APC: variants seen among roughly 807,000 people sequenced by gnomAD.
APC encodes APC regulator of Wnt signaling pathway.
A neutral mutation model predicts 247.0 loss-of-function variants in APC; 72 were observed. That is an observed-to-expected ratio of 0.29 (90% CI 0.24 to 0.35). The LOEUF is 0.35. Ranked by LOEUF, APC falls within the 10% of genes least tolerant of loss-of-function variation. The probability of loss-of-function intolerance (pLI) is 1.00; values close to 1 mark genes in which losing one functional copy is unlikely to be tolerated. For missense variants in APC, 3,400 were observed against 3,360.7 expected (o/e 1.01, Z -0.29); for synonymous variants, 1,254 against 1,162.5 (o/e 1.08, Z -1.60).
rs2149945815 is a variant in APC, at chr5:112,841,253, A to G, written c.5659A>G (p.Asn1887Asp). 6.2e-7 allele frequency: 1 copy of G among 1,613,846 alleles called. No individual in the cohort carries two copies. The highest frequency in any genetic ancestry group is 8.5e-7 in the Non-Finnish European group (1 of 1,179,762). Residue 1887 changes from asparagine (N) to aspartate (D), a missense_variant, in exon 16 of 16, where the codon AAT becomes GAT. Coordinates refer to ENST00000257430, the MANE Select transcript of APC (RefSeq NM_000038.6). The surrounding 1 kb of genome is among the most constrained non-coding windows in gnomAD (Gnocchi z 4.6). ...GGCTGAATTAAGAAAGGCAAAAGAA[A>G]ATAAGGAATCAGAGGCTAAAGTTAC... ...EKAELRKAKE[N>D]KESEAKVTSH...
chr5:112,842,766 T>G lies in APC; in HGVS notation c.7172T>G (p.Ile2391Ser), dbSNP rs747797803. ...GGTTTATCCAAGAATGCCAGTAGTATTCCAAGAAGTGAGTCTGCCTCCAAA... is the reference window on the plus strand; with the variant it reads ...GGTTTATCCAAGAATGCCAGTAGTAGTCCAAGAAGTGAGTCTGCCTCCAAA... ...QTGLSKNASS[I>S]PRSESASKGL... is the part of the protein sequence containing the mutation. Residue 2391 changes from isoleucine to serine, a missense_variant, in exon 16 of 16, where the codon ATT becomes AGT. Ile to Ser is a moderately radical substitution (Grantham distance 142, BLOSUM62 -2). Coordinates refer to ENST00000257430, the MANE Select transcript of APC (RefSeq NM_000038.6). 2.5e-6 allele frequency: 4 copies of G among 1,613,996 alleles called. No individual in the cohort carries two copies. The South Asian group carries it at 4.4e-5, about 18-fold the overall frequency.
intron 1 of APC, among the ~76,000 whole-genome samples, chr5:112,746,551 A>G (rs986776196): frequency 6.6e-6 from 1 of 152,202 alleles, no homozygotes; most frequent in African/African-American, 2.4e-5. Flanking sequence ...GGATAGGTCA[A>G]CATTCAAAAA....
At chr5:112,822,291 T>C (rs978793107) in intron 11 of APC, among the ~76,000 whole-genome samples, 1 of 152,168 alleles carries the variant, frequency 6.6e-6, no homozygotes, top group African/African-American at 2.4e-5. Context: ...TTTGCCAAAG[T>C]AGACTCTATA....
chr5:112,735,500 C>CATATAT (rs3884086), upstream of APC, among the ~76,000 whole-genome samples: 5,010 of 146,580 alleles, frequency 0.034, 175 homozygotes, highest in East Asian at 0.092. Context: ...TTAATGCATA[C>CATATAT]ATATATATAT....
In APC at chr5:112,762,014, G is replaced by A. The variant is rs544825382; in HGVS notation, c.136-4312G>A. Among the ~76,000 whole-genome samples, 2 of 152,288 alleles carry A rather than the reference G, an allele frequency of 1.3e-5. 1 individual carries two copies. The highest frequency in any genetic ancestry group is 4.1e-4 in the South Asian group (2 of 4,828). Reference sequence around the variant, plus strand: ...AAAGGCTCAGTTCAGAATATATTAAGTAATTCCTTCAGAATATATAAATCC... The same window carrying A: ...AAAGGCTCAGTTCAGAATATATTAAATAATTCCTTCAGAATATATAAATCC... On this transcript the variant is annotated intron_variant, in intron 2 of 15. Transcript: ENST00000257430.
intron 1 of APC, among the ~76,000 whole-genome samples, chr5:112,741,361 C>T (rs562458532): frequency 4.3e-4 from 65 of 152,260 alleles, no homozygotes; most frequent in Middle Eastern, 3.4e-3. Flanking sequence ...TTTTTGAAAA[C>T]TAAATTACTT....
chr5:112,841,975 A>G lies in APC; in HGVS notation c.6381A>G (p.Gln2127=), dbSNP rs765256868. The G allele has an allele frequency of 1.2e-6, 2 of 1,613,426 alleles. No individual in the cohort carries two copies. Among genetic ancestry groups the G allele is most frequent in the Non-Finnish European group, 8.5e-7 (1 of 1,179,382 alleles). ...QAAAAACLSR[Q]ASSDSDSILS... is the part of the protein sequence containing the mutation. ...CTGCTGCTGCATGTTTATCTAGACA[A>G]GCTTCGTCTGATTCAGATTCCATCC... The change falls in exon 16 of 16, where the codon CAA becomes CAG. Residue 2127 remains glutamine (Q), a synonymous_variant. Coordinates refer to ENST00000257430, the MANE Select transcript of APC (RefSeq NM_000038.6). This position sits in a 1 kb window ranked among gnomAD's most constrained non-coding sequence, Gnocchi z 4.6.
chr5:112,841,693 C>G lies in APC; in HGVS notation c.6099C>G (p.Asp2033Glu), dbSNP rs370532497. Residue 2033 changes from aspartate (D) to glutamate (E), a missense_variant, in exon 16 of 16, where the codon GAC (aspartate) becomes GAG (glutamate). Asp to Glu is a conservative substitution (Grantham distance 45, BLOSUM62 2). Coordinates refer to ENST00000257430, the MANE Select transcript of APC (RefSeq NM_000038.6). The surrounding 1 kb of genome is among the most constrained non-coding windows in gnomAD (Gnocchi z 4.6). The stretch of plus-strand genomic sequence containing the variant: ...GTTCTCTCAGTTCTCTTAGTATTGA[C>G]TCTGAAGATGACCTGTTGCAGGAAT... ...RNSSLSSLSI[D>E]SEDDLLQECI... 38 of 1,613,756 alleles carry G rather than the reference C, an allele frequency of 2.4e-5. No homozygotes were observed. The highest frequency in any genetic ancestry group is 3.1e-5 in the Non-Finnish European group (37 of 1,179,774).
At chr5:112,785,282 T>C (rs1758813089) in intron 6 of APC, among the ~76,000 whole-genome samples, 2 of 152,118 alleles carry the variant, frequency 1.3e-5, no homozygotes, top group South Asian at 4.1e-4. Flanking sequence ...CTAGAAAAGC[T>C]ATACAAAATG....
chr5:112,767,177 T>C lies in APC; in HGVS notation c.221-12T>C. 1.2e-6 allele frequency: 2 copies of C among 1,606,478 alleles called. No individual in the cohort carries two copies. Among genetic ancestry groups the C allele is most frequent in the Non-Finnish European group, 1.7e-6 (2 of 1,173,104 alleles). On this transcript the variant is annotated splice_polypyrimidine_tract_variant and intron_variant, in intron 3 of 15. Transcript: ENST00000257430. ...CAATTGTTGTATAAAAACTTGTTTCTATTTTATTTAGAGCTTAACTTAGAT... is the reference window on the plus strand; with the variant it reads ...CAATTGTTGTATAAAAACTTGTTTCCATTTTATTTAGAGCTTAACTTAGAT...
rs748454058 is a variant in APC at position 112,707,677 on chromosome 5, G to T, written c.-41G>T. The T allele has an allele frequency of 7.3e-7, 1 of 1,370,288 alleles. No homozygotes were observed. Among genetic ancestry groups the T allele is most frequent in the African/African-American group, 1.4e-5 (1 of 69,740 alleles). 84.9% of individuals were successfully genotyped at this position (1,370,288 alleles called of 1,614,324 possible). On this transcript the variant is annotated 5_prime_UTR_variant, in exon 1 of 14. Coordinates refer to the APC transcript ENST00000507379. The stretch of plus-strand genomic sequence containing the variant: ...ACTGTTGTTGGCTGTTGGTGAGGAA[G>T]GTGAAGCACTCAGTTGCCTTCTCGG...
intron 10 of APC, 61 bp downstream of exon 10, chr5:112,819,405 CAG>C: frequency 2.5e-6 from 4 of 1,604,684 alleles, no homozygotes; most frequent in Non-Finnish European, 3.4e-6. Flanking sequence ...AATTTTTAAA[CAG>C]AAAACATGTT....
Position 112,839,769 on chromosome 5 carries a change from C to T in APC, c.4175C>T (p.Ser1392Leu), listed in dbSNP as rs786204170. The change falls in exon 16 of 16, where the codon TCA becomes TTA. Residue 1392 changes from serine (S) to leucine (L), a missense_variant. This residue lies in a region of APC where 40 missense variants were observed against 75.6 expected (regional missense o/e 0.53). Coordinates refer to ENST00000257430, the MANE Select transcript of APC (RefSeq NM_000038.6). The surrounding 1 kb of genome is among the most constrained non-coding windows in gnomAD (Gnocchi z 5.0). ...LMFSRCTSVS[S>L]LDSFESRSIA... ...TTTAGCAGATGTACTTCTGTCAGTT[C>T]ACTTGATAGTTTTGAGAGTCGTTCG... is the stretch of plus-strand genomic sequence containing the variant. 1 of 1,614,138 alleles carries T rather than the reference C, an allele frequency of 6.2e-7. No individual in the cohort carries two copies.
intron 1 of APC, among the ~76,000 whole-genome samples, chr5:112,741,673 A>G (rs1753043784): frequency 6.6e-6 from 1 of 152,192 alleles, no homozygotes; most frequent in African/African-American, 2.4e-5. Context: ...GTTCTGTGGC[A>G]TTAAGTTCAT....
chr5:112,815,197 G>T (rs1362587237), intron 8 of APC, among the ~76,000 whole-genome samples: 1 of 152,110 alleles, frequency 6.6e-6, no homozygotes, highest in Non-Finnish European at 1.5e-5. Context: ...TCTGAATGTG[G>T]TTTTATTTAT....
chr5:112,841,064 A>G lies in APC; in HGVS notation c.5470A>G (p.Asn1824Asp), dbSNP rs2149940978. The G allele has an allele frequency of 6.2e-7, 1 of 1,612,536 alleles. No individual in the cohort carries two copies. Among genetic ancestry groups the G allele is most frequent in the East Asian group, 2.2e-5 (1 of 44,860 alleles). ...QNLKNNSKVFNDKLPNNEDRV... is the reference protein window; with the variant it reads ...QNLKNNSKVFDDKLPNNEDRV... ...TTTGAAAAATAATTCCAAGGTCTTC[A>G]ATGATAAGCTCCCAAATAATGAAGA... Residue 1824 changes from asparagine (N) to aspartate (D), a missense_variant, in exon 16 of 16, where the codon AAT becomes GAT. Physicochemically the swap from Asn to Asp is conservative, Grantham distance 23. Coordinates refer to ENST00000257430, the MANE Select transcript of APC (RefSeq NM_000038.6). This position sits in a 1 kb window ranked among gnomAD's most constrained non-coding sequence, Gnocchi z 4.6.
In APC at chr5:112,841,027, A is replaced by G. The variant is rs2149940057; in HGVS notation, c.5433A>G (p.Ser1811=). ...AERVFSDNKD[S]KKQNLKNNSK... ...GAGTTTTCTCAGACAACAAAGATTC[A>G]AAGAAACAGAATTTGAAAAATAATT... The change falls in exon 16 of 16, where the codon TCA becomes TCG. Residue 1811 remains serine, a synonymous_variant. Transcript: ENST00000257430. The surrounding 1 kb of genome is among the most constrained non-coding windows in gnomAD (Gnocchi z 4.6). The G allele has an allele frequency of 6.2e-7, 1 of 1,611,026 alleles. No homozygotes were observed. Among genetic ancestry groups the G allele is most frequent in the South Asian group, 1.1e-5 (1 of 90,966 alleles).
chr5:112,740,326 A>C (rs1050729055), intron 1 of APC, among the ~76,000 whole-genome samples: 1 of 152,174 alleles, frequency 6.6e-6, no homozygotes, highest in Admixed American at 6.5e-5. Context: ...TAAGAAATAA[A>C]GAACTAAAGT....
At chr5:112,821,134 G>T (rs1306183102) in intron 10 of APC, among the ~76,000 whole-genome samples, 1 of 150,960 alleles carries the variant, frequency 6.6e-6, no homozygotes, top group Non-Finnish European at 1.5e-5. Flanking sequence ...CTCCCAAAGT[G>T]CTGGGATTAC....
Sources: gnomAD v4.1 joint callset for allele counts (sites outside exome capture counted in the v4.1 genomes callset) on GRCh38, gnomAD v4.1.1 for gene constraint, gnomAD v4.1.1 regional missense constraint, Gnocchi (gnomAD v3.1) non-coding constraint, MANE v1.5 for transcripts, NCBI Gene and HGNC (gene_info 2026-07-23, HGNC 2026-07-21) for gene names.